The following LYPLA1 variants were observed in gnomAD, a reference collection of about 807,000 sequenced individuals.
The protein encoded by LYPLA1 is acyl-protein thioesterase 1.
Under a neutral mutation model 34.0 loss-of-function variants are expected in LYPLA1, and 17 were observed. The observed-to-expected ratio is 0.50, with a 90% CI of 0.34 to 0.75. LYPLA1 has a LOEUF of 0.75. Ranked by LOEUF, LYPLA1 falls within the 30% of genes least tolerant of loss-of-function variation. The probability of loss-of-function intolerance (pLI) is 0.01; values close to 1 mark genes in which losing one functional copy is unlikely to be tolerated. For synonymous variants in LYPLA1, 98 were observed against 100.8 expected (o/e 0.97, Z 0.17); for missense variants, 203 against 288.8 (o/e 0.70, Z 2.15).
At chr8:54,045,000 A>C (rs1343739267), downstream of LYPLA1, 1 of 152,132 alleles carries the variant, frequency 6.6e-6, no homozygotes, top group Non-Finnish European at 1.5e-5. Flanking sequence ...AAAGCATTTA[A>C]ATTACCCCAC....
At chr8:54,054,710 G>T (rs1239581390) in intron 6 of LYPLA1, 1 of 178,942 alleles carries the variant, frequency 5.6e-6, no homozygotes, top group Non-Finnish European at 1.2e-5. Context: ...CCTAAAACCT[G>T]TAATACGTGA....
rs1435724157 is a variant in LYPLA1, at chr8:54,073,379, C to T, written c.102-7566G>A. The T allele has an allele frequency of 2.3e-5, 18 of 787,682 alleles. No homozygotes were observed. In the East Asian group the frequency reaches 3.2e-4, roughly 14 times the overall value. 48.8% of individuals were successfully genotyped at this position (787,682 alleles called of 1,614,324 possible). ...TCTGTGCCCCATGACACCTGGCTGCCCAAGAAGTGTTCCATTTGTAAATGC... is the reference window on the plus strand; with the variant it reads ...TCTGTGCCCCATGACACCTGGCTGCTCAAGAAGTGTTCCATTTGTAAATGC... On this transcript the variant is annotated intron_variant, in intron 2 of 8. Transcript: ENST00000316963.
intron 4 of LYPLA1, among the ~76,000 whole-genome samples, chr8:54,063,047 T>G (rs1222793953): frequency 6.6e-6 from 1 of 152,120 alleles, no homozygotes; most frequent in Non-Finnish European, 1.5e-5. Flanking sequence ...TAGGGGTCAT[T>G]CGAATGTTGG....
Position 54,062,234 on chromosome 8 carries a change from T to C in LYPLA1, c.286+20A>G, listed in dbSNP as rs375893372. ...ACATTTAAGAACACTTTTGGCTTTA[T>C]AAACATTTTCTGTACTTACTATTTT... On this transcript the variant is annotated intron_variant, in intron 5 of 8. Coordinates refer to ENST00000316963, the MANE Select transcript of LYPLA1 (RefSeq NM_006330.4). 1.3e-6 allele frequency: 2 copies of C among 1,536,054 alleles called. No individual in the cohort carries two copies. The highest frequency in any genetic ancestry group is 1.8e-6 in the Non-Finnish European group (2 of 1,119,584).
downstream of LYPLA1, among the ~76,000 whole-genome samples, chr8:54,043,369 G>A (rs184593924): frequency 1.3e-5 from 2 of 152,014 alleles, no homozygotes; most frequent in Non-Finnish European, 2.9e-5. Context: ...CCCGCCTCCC[G>A]GATTCAAATG....
chr8:54,066,923 A>C (rs1456256282), intron 2 of LYPLA1, among the ~76,000 whole-genome samples: 1 of 152,214 alleles, frequency 6.6e-6, no homozygotes, highest in Non-Finnish European at 1.5e-5. Context: ...GCTTACAAGC[A>C]CTTTGGGAGA....
At chr8:54,063,451 GA>G in intron 3 of LYPLA1, 76 bp from the exon 4 acceptor site, 1 of 889,686 alleles carries the variant, frequency 1.1e-6, no homozygotes, top group African/African-American at 1.8e-5. Context: ...ATCAAAAACA[GA>G]TAATTGCTTG....
chr8:54,044,100 C>G (rs1428905707), downstream of LYPLA1, among the ~76,000 whole-genome samples: 54 of 151,882 alleles, frequency 3.6e-4, no homozygotes, highest in Non-Finnish European at 1.2e-4. Flanking sequence ...CCATGTTGAC[C>G]AGGCTGGTCT....
At chr8:54,096,568 C>T (rs1047902885) in intron 2 of LYPLA1, among the ~76,000 whole-genome samples, 3 of 151,976 alleles carry the variant, frequency 2.0e-5, no homozygotes, top group Non-Finnish European at 2.9e-5. Flanking sequence ...GAAACCCCCC[C>T]GTCTCTACTA....
At chr8:54,075,538 C>A (rs1341075881) in intron 2 of LYPLA1, among the ~76,000 whole-genome samples, 1 of 152,162 alleles carries the variant, frequency 6.6e-6, no homozygotes, top group African/African-American at 2.4e-5. Flanking sequence ...GAAGCTGTCA[C>A]AGACGGCAGA....
intron 2 of LYPLA1, among the ~76,000 whole-genome samples, chr8:54,067,297 A>T (rs1294925864): frequency 2.6e-5 from 4 of 152,336 alleles, no homozygotes; most frequent in Non-Finnish European, 4.4e-5. Context: ...GGAGTTTAAG[A>T]CCAGCCTAAA....
chr8:54,099,035 G>T (rs770744351), intron 2 of LYPLA1, among the ~76,000 whole-genome samples: 1 of 152,008 alleles, frequency 6.6e-6, no homozygotes, highest in East Asian at 1.9e-4. Context: ...TTTTGGTCAA[G>T]ATGTAATGGA....
At chr8:54,081,863 G>A (rs1223070851) in intron 2 of LYPLA1, among the ~76,000 whole-genome samples, 2 of 151,998 alleles carry the variant, frequency 1.3e-5, no homozygotes, top group African/African-American at 4.8e-5. Flanking sequence ...CCAAGTAGCT[G>A]CGATTACAGG....
chr8:54,099,465 G>A (rs571369005), intron 2 of LYPLA1, among the ~76,000 whole-genome samples: 1 of 152,200 alleles, frequency 6.6e-6, no homozygotes, highest in African/African-American at 2.4e-5. Flanking sequence ...ATCATTTGAG[G>A]TCAGGAGTTC....
chr8:54,084,033 G>A (rs551928423), intron 2 of LYPLA1, among the ~76,000 whole-genome samples: 5 of 151,394 alleles, frequency 3.3e-5, no homozygotes, highest in African/African-American at 1.2e-4. Context: ...AGCTACTTGG[G>A]AGGCTGAGGC....
rs1388353228 is a variant in LYPLA1, at chr8:54,055,124, A to G, written c.296T>C (p.Leu99Ser). 1 of 1,604,288 alleles carries G rather than the reference A, an allele frequency of 6.2e-7. No homozygotes were observed. Among genetic ancestry groups the G allele is most frequent in the Non-Finnish European group, 8.5e-7 (1 of 1,171,898 alleles). The part of the protein sequence containing the change: ...IKQAAENIKA[L>S]IDQEVKNGIP... ...GCCATTCTTCACTTCTTGATCAATC[A>G]AAGCTTTTACTAAAAACAACATGAA... is the stretch of plus-strand genomic sequence containing the variant. The change falls in exon 6 of 9, where the codon TTG becomes TCG. Residue 99 changes from leucine (L) to serine (S), a missense_variant. Physicochemically the swap from Leu to Ser is moderately radical, Grantham distance 145. Coordinates refer to ENST00000316963, the MANE Select transcript of LYPLA1 (RefSeq NM_006330.4).
intron 2 of LYPLA1, among the ~76,000 whole-genome samples, chr8:54,095,381 T>C (rs1052361495): frequency 3.3e-5 from 5 of 152,154 alleles, no homozygotes; most frequent in East Asian, 1.9e-4. Context: ...ACCACAACAA[T>C]AGATTCTGGC....
intron 5 of LYPLA1, 108 bp downstream of exon 5, chr8:54,062,146 C>T (rs1806681257): frequency 1.3e-6 from 1 of 764,652 alleles, no homozygotes; most frequent in Admixed American, 2.7e-5. Context: ...GCGTGAGCCA[C>T]CGTGCCCGGC....
Position 54,101,882 on chromosome 8 carries a change from A to G in LYPLA1, c.-59T>C, listed in dbSNP as rs1023262805. The G allele has an allele frequency of 6.5e-6, 7 of 1,077,336 alleles. No individual in the cohort carries two copies. The highest frequency in any genetic ancestry group is 8.2e-6 in the Non-Finnish European group (7 of 853,290). The allele number at this position is 1,077,336 out of a possible 1,614,324, so 66.7% of individuals were successfully genotyped here. ...AGAGCGGGCGCCCGGCCGCGGCCCA[A>G]GGGCGTGCGAGCGGCGAGTCCCGGC... On this transcript the variant is annotated 5_prime_UTR_variant, in exon 1 of 9. Transcript: ENST00000316963.
Sources: allele counts gnomAD v4.1 joint callset (sites outside exome capture counted in the v4.1 genomes callset), GRCh38; gene constraint gnomAD v4.1.1; transcripts MANE v1.5; gene names NCBI Gene and HGNC (gene_info 2026-07-23, HGNC 2026-07-21).